SYNPR: variants seen among roughly 807,000 people sequenced by gnomAD.
SYNPR encodes the protein synaptoporin.
A neutral mutation model predicts 32.9 loss-of-function variants in SYNPR; 23 were observed. That is an observed-to-expected ratio of 0.70 (90% CI 0.50 to 0.99). SYNPR has a LOEUF of 0.99. SYNPR is among the 50% of genes least tolerant of loss of function. The pLI, the probability that SYNPR is intolerant of heterozygous loss-of-function variation, is 0.00. For synonymous variants in SYNPR, 146 were observed against 135.9 expected (o/e 1.07, Z -0.52); for missense variants, 318 against 349.3 (o/e 0.91, Z 0.71).
At chr3:63,255,809 C>T (rs917285145) in intron 2 of SYNPR, among the ~76,000 whole-genome samples, 2 of 152,276 alleles carry the variant, frequency 1.3e-5, no homozygotes, top group South Asian at 2.1e-4. Flanking sequence ...TCAGGGAATT[C>T]CCTTTCCTAG....
intron 3 of SYNPR, among the ~76,000 whole-genome samples, chr3:63,273,074 A>AT (rs963729074): frequency 3.3e-5 from 5 of 152,026 alleles, no homozygotes; most frequent in African/African-American, 7.2e-5. Flanking sequence ...GGGGGAAGAG[A>AT]TTTTTTTCTA....
intron 2 of SYNPR, among the ~76,000 whole-genome samples, chr3:63,406,943 C>T (rs544856881): frequency 2.0e-5 from 3 of 152,110 alleles, no homozygotes; most frequent in East Asian, 3.8e-4. Flanking sequence ...TGTTGACTAT[C>T]GAGAATCTAA....
chr3:63,420,120 A>C (rs2088588976), intron 2 of SYNPR, among the ~76,000 whole-genome samples: 1 of 152,228 alleles, frequency 6.6e-6, no homozygotes, highest in Admixed American at 6.5e-5. Context: ...GAGAAGATTC[A>C]ATATTGTAAA....
intron 2 of SYNPR, among the ~76,000 whole-genome samples, chr3:63,323,081 G>A (rs542096876): frequency 6.6e-6 from 1 of 152,154 alleles, no homozygotes; most frequent in Non-Finnish European, 1.5e-5. Context: ...CACAAAGCAG[G>A]ACTAGTTTAA....
chr3:63,459,653 T>C lies in SYNPR; in HGVS notation c.85-21179T>C, dbSNP rs1373874867. Among the ~76,000 whole-genome samples, 4 of 152,266 alleles carry C rather than the reference T, an allele frequency of 2.6e-5. No individual in the cohort carries two copies. The East Asian group carries it at 7.7e-4, about 29-fold the overall frequency. On this transcript the variant is annotated intron_variant, in intron 2 of 5. Transcript: ENST00000478300. Reference sequence around the variant, plus strand: ...ATTGAATTAAATCTCAAATTTCATTTAATCATCCCCTTTGTGAAGATGATT... The same window carrying C: ...ATTGAATTAAATCTCAAATTTCATTCAATCATCCCCTTTGTGAAGATGATT...
At chr3:63,266,072 T>A (rs2086483084) in intron 2 of SYNPR, among the ~76,000 whole-genome samples, 1 of 152,130 alleles carries the variant, frequency 6.6e-6, no homozygotes, top group South Asian at 2.1e-4. Context: ...CTGGCCAAAG[T>A]TCACAGATGC....
intron 3 of SYNPR, among the ~76,000 whole-genome samples, chr3:63,483,127 A>T (rs182983889): frequency 3.0e-4 from 45 of 152,308 alleles, no homozygotes; most frequent in Middle Eastern, 3.4e-3. Context: ...CTACCTTCAA[A>T]AATGTTCATA....
intron 2 of SYNPR, among the ~76,000 whole-genome samples, chr3:63,356,283 A>T (rs2087576509): frequency 6.6e-6 from 1 of 152,198 alleles, no homozygotes. Flanking sequence ...TAATCCTGGG[A>T]TCAGAAGGCA....
chr3:63,432,832 C>G (rs1700018297), intron 2 of SYNPR, among the ~76,000 whole-genome samples: 2 of 152,220 alleles, frequency 1.3e-5, no homozygotes, highest in Non-Finnish European at 2.9e-5. Flanking sequence ...TGGCCTTCTT[C>G]ATGATCATTC....
intron 2 of SYNPR, among the ~76,000 whole-genome samples, chr3:63,401,376 AG>A (rs1397021958): frequency 6.6e-6 from 1 of 152,214 alleles, no homozygotes; most frequent in Admixed American, 6.5e-5. Context: ...ATTAGAAGTA[AG>A]AAGAAAAGGA....
At chr3:63,580,985 G>A (rs559435393) in intron 4 of SYNPR, among the ~76,000 whole-genome samples, 1 of 152,142 alleles carries the variant, frequency 6.6e-6, no homozygotes, top group Non-Finnish European at 1.5e-5. Context: ...GGCGGTATAG[G>A]GATCTTGGCT....
chr3:63,521,977 G>C (rs895854574), intron 3 of SYNPR, among the ~76,000 whole-genome samples: 4 of 152,170 alleles, frequency 2.6e-5, no homozygotes, highest in African/African-American at 9.6e-5. Flanking sequence ...GTCCAAAGCA[G>C]GCAGCCTCTC....
chr3:63,578,243 A>G (rs1703026600), intron 4 of SYNPR, among the ~76,000 whole-genome samples: 1 of 152,136 alleles, frequency 6.6e-6, no homozygotes, highest in Non-Finnish European at 1.5e-5. Context: ...TTCTGGCTCA[A>G]CCATTTACAA....
At chr3:63,577,325 G>A (rs1302151735) in intron 4 of SYNPR, among the ~76,000 whole-genome samples, 2 of 152,160 alleles carry the variant, frequency 1.3e-5, no homozygotes, top group African/African-American at 2.4e-5. Flanking sequence ...TAGGCCCTGA[G>A]GCCCAGAGAA....
intron 2 of SYNPR, among the ~76,000 whole-genome samples, chr3:63,317,407 G>A (rs1208042986): frequency 6.6e-6 from 1 of 151,802 alleles, no homozygotes; most frequent in East Asian, 2.0e-4. Context: ...TTATAAAGTT[G>A]GGAGCTCCAG....
chr3:63,211,170 G>A, the SYNPR span, among the ~76,000 whole-genome samples: 2 of 152,126 alleles, frequency 1.3e-5, no homozygotes, highest in Non-Finnish European at 2.9e-5. Flanking sequence ...CTGGGTTCAA[G>A]CAGTTCCCTG....
intron 2 of SYNPR, among the ~76,000 whole-genome samples, chr3:63,380,751 T>G (rs1035057143): frequency 2.6e-5 from 4 of 152,044 alleles, no homozygotes; most frequent in East Asian, 1.9e-4. Flanking sequence ...GTTCAACATA[T>G]GCAAATCAAT....
At chr3:63,312,250 A>G (rs1368900096) in intron 2 of SYNPR, among the ~76,000 whole-genome samples, 1 of 152,016 alleles carries the variant, frequency 6.6e-6, no homozygotes, top group Non-Finnish European at 1.5e-5. Flanking sequence ...GCTCCAAGAT[A>G]TATGCATATG....
intron 3 of SYNPR, among the ~76,000 whole-genome samples, chr3:63,501,494 C>CAAAAAAAAAAAAA (rs377290258): frequency 4.1e-5 from 4 of 96,736 alleles, no homozygotes; most frequent in African/African-American, 1.2e-4. Context: ...CTCCCCCAAC[C>CAAAAAAAAAAAAA]AAAAAAAAAA....
Sources: allele counts gnomAD v4.1 joint callset (sites outside exome capture counted in the v4.1 genomes callset), GRCh38; gene constraint gnomAD v4.1.1; transcripts MANE v1.5; gene names NCBI Gene and HGNC (gene_info 2026-07-23, HGNC 2026-07-21).